The following PDE7B variants were observed in gnomAD, a reference collection of about 807,000 sequenced individuals.
PDE7B encodes phosphodiesterase 7B, also known as 3',5'-cyclic-AMP phosphodiesterase 7B.
Under a neutral mutation model 56.2 loss-of-function variants are expected in PDE7B, and 29 were observed. The observed-to-expected ratio is 0.52, with a 90% CI of 0.38 to 0.70. The LOEUF is 0.70. Ranked by LOEUF, PDE7B falls within the 30% of genes least tolerant of loss-of-function variation. The probability of loss-of-function intolerance (pLI) is 0.00; values close to 1 mark genes in which losing one functional copy is unlikely to be tolerated. For missense variants in PDE7B, 490 were observed against 565.0 expected, an observed-to-expected ratio of 0.87 and a Z score of 1.35; for synonymous variants, 197 against 196.9, an observed-to-expected ratio of 1.00 and a Z score of 0.00.
chr6:135,997,413 CAAAAAAAAAAAAAAAAAAAAAA>C lies in PDE7B; in HGVS notation c.82+49906_82+49927del, dbSNP rs59388049. ...TAGCTGACAGAATGAGACCCTGTCTCAAAAAAAAAAAAAAAAAAAAAAAAAAAAAAAAAAAAAAGCCATAGAA... is the reference window on the plus strand; with the variant it reads ...TAGCTGACAGAATGAGACCCTGTCTCAAAAAAAAAAAAAAAAGCCATAGAA... On this transcript the variant is annotated intron_variant, in intron 2 of 12. Coordinates refer to ENST00000308191, the MANE Select transcript of PDE7B (RefSeq NM_018945.4). 1.4e-3 allele frequency among the ~76,000 whole-genome samples: 15 copies of C among 10,714 alleles called. 1 individual carries two copies. The highest frequency in any genetic ancestry group is 0.015 in the South Asian group (2 of 134). 7.0% of individuals were successfully genotyped at this position (10,714 alleles called of 152,430 possible). A position where few individuals can be genotyped will look rare whatever the true frequency, so the allele number is the denominator to read the frequency against.
At position 135,962,996 on chromosome 6, in the gene PDE7B, C is replaced by T. The variant is rs142412769; in HGVS notation, c.82+15472C>T. Reference sequence around the variant, plus strand: ...TGCGGCAAATGGAAGCCTTCCAGAACCAACACACTAAGAGTCTGTTGCAGT... The same window carrying T: ...TGCGGCAAATGGAAGCCTTCCAGAATCAACACACTAAGAGTCTGTTGCAGT... On this transcript the variant is annotated intron_variant, in intron 2 of 12. Coordinates refer to ENST00000308191, the MANE Select transcript of PDE7B (RefSeq NM_018945.4). 1.0e-3 allele frequency among the ~76,000 whole-genome samples: 157 copies of T among 152,272 alleles called. 1 individual carries two copies. In the East Asian group the frequency reaches 0.027, roughly 26 times the overall value.
chr6:136,076,642 C>A (rs560832953), intron 2 of PDE7B, among the ~76,000 whole-genome samples: 11 of 152,124 alleles, frequency 7.2e-5, no homozygotes, highest in South Asian at 2.1e-4. Flanking sequence ...GATCTCTTCC[C>A]CCACCCCACA....
At chr6:136,152,024 T>C (rs1050383638) in intron 6 of PDE7B, among the ~76,000 whole-genome samples, 1 of 152,160 alleles carries the variant, frequency 6.6e-6, no homozygotes, top group Non-Finnish European at 1.5e-5. Flanking sequence ...ATCATAAAGC[T>C]CTTCATCCTT....
At chr6:136,148,980 T>TG (rs1778466699) in intron 4 of PDE7B, 107 bp from the exon 5 acceptor site, 2 of 760,242 alleles carry the variant, frequency 2.6e-6, no homozygotes, top group East Asian at 5.1e-5. Flanking sequence ...GATGGTAGTA[T>TG]GCTAGGATTT....
intron 2 of PDE7B, among the ~76,000 whole-genome samples, chr6:136,004,154 C>A (rs910423102): frequency 2.0e-5 from 3 of 150,326 alleles, no homozygotes; most frequent in Admixed American, 6.7e-5. Context: ...ATTCAACAAC[C>A]CTTCATGCTA....
chr6:135,890,821 TTA>T (rs1775798218), intron 1 of PDE7B, among the ~76,000 whole-genome samples: 1 of 152,178 alleles, frequency 6.6e-6, no homozygotes, highest in South Asian at 2.1e-4. Flanking sequence ...GACTCTGATA[TTA>T]GAGTTGTTTT....
At chr6:136,009,926 G>A (rs1055334620) in intron 2 of PDE7B, among the ~76,000 whole-genome samples, 6 of 152,132 alleles carry the variant, frequency 3.9e-5, no homozygotes, top group African/African-American at 1.4e-4. Context: ...CTTTTGAATG[G>A]TTTTTCATTC....
intron 2 of PDE7B, among the ~76,000 whole-genome samples, chr6:136,017,083 G>C (rs1775989151): frequency 6.6e-6 from 1 of 152,160 alleles, no homozygotes; most frequent in African/African-American, 2.4e-5. Context: ...TAGCATAGCA[G>C]CAAATAGCCT....
chr6:136,070,650 T>A (rs957287305), intron 2 of PDE7B, among the ~76,000 whole-genome samples: 13 of 152,162 alleles, frequency 8.5e-5, no homozygotes, highest in African/African-American at 3.1e-4. Flanking sequence ...ACATTGAAAA[T>A]TTTTTAATAC....
At chr6:136,113,579 G>C (rs1465000190) in intron 3 of PDE7B, among the ~76,000 whole-genome samples, 1 of 152,222 alleles carries the variant, frequency 6.6e-6, no homozygotes, top group African/African-American at 2.4e-5. Flanking sequence ...AGCCAGAACA[G>C]AGAGAAAAGG....
chr6:135,984,589 C>G (rs1389785831), intron 2 of PDE7B, among the ~76,000 whole-genome samples: 1 of 152,050 alleles, frequency 6.6e-6, no homozygotes, highest in African/African-American at 2.4e-5. Flanking sequence ...CAATCCAGGT[C>G]TATTCCAGGA....
rs36015213 is a variant in PDE7B, at chr6:136,031,738, C to CAA, written c.83-76975_83-76974dup. ...TGGGCGACAGAGCGAGACTCCGTCT[C>CAA]AAAAAAAAAAAAAAAAAAAGAAGGC... On this transcript the variant is annotated intron_variant, in intron 2 of 12. Coordinates refer to ENST00000308191, the MANE Select transcript of PDE7B (RefSeq NM_018945.4). Among the ~76,000 whole-genome samples, 788 of 109,836 alleles carry CAA rather than the reference C, an allele frequency of 7.2e-3. 9 individuals carry two copies. Among genetic ancestry groups the CAA allele is most frequent in the African/African-American group, 0.018 (523 of 29,392 alleles). The allele number at this position is 109,836 out of a possible 152,430, so 72.1% of individuals were successfully genotyped here.
At chr6:135,948,408 A>C (rs1395239219) in intron 2 of PDE7B, among the ~76,000 whole-genome samples, 1 of 151,994 alleles carries the variant, frequency 6.6e-6, no homozygotes, top group East Asian at 1.9e-4. Context: ...AAAATTATTC[A>C]TTTTAGCATT....
rs976436620 is a variant in PDE7B, at chr6:135,981,342, A to C, written c.82+33818A>C. ...GAGATATACCTAATGCTAGATGACG[A>C]GTTAGAGGGTGCAGCGCACCAGCAT... On this transcript the variant is annotated intron_variant, in intron 2 of 12. Transcript: ENST00000308191. Among the ~76,000 whole-genome samples the C allele has an allele frequency of 5.3e-5, 8 of 150,722 alleles. 1 individual carries two copies. The South Asian group carries it at 6.4e-4, about 12-fold the overall frequency.
intron 2 of PDE7B, among the ~76,000 whole-genome samples, chr6:135,994,347 C>T (rs1304386404): frequency 1.3e-5 from 2 of 152,012 alleles, no homozygotes; most frequent in African/African-American, 4.8e-5. Flanking sequence ...AGTTATATTA[C>T]TAGAGGTGAA....
intron 3 of PDE7B, among the ~76,000 whole-genome samples, 172 bp downstream of exon 3, chr6:136,108,986 G>A (rs1365819214): frequency 6.6e-6 from 1 of 152,158 alleles, no homozygotes. Context: ...CACAAGTGAA[G>A]TAATTCTGGC....
intron 2 of PDE7B, among the ~76,000 whole-genome samples, chr6:135,961,275 G>GTA (rs1774895955): frequency 7.3e-6 from 1 of 136,280 alleles, no homozygotes; most frequent in African/African-American, 2.9e-5. Flanking sequence ...GTGTGTGTGT[G>GTA]TGTGTATGTG....
intron 8 of PDE7B, chr6:136,162,343 G>T (rs538236475): frequency 6.6e-5 from 10 of 152,100 alleles, no homozygotes; most frequent in Non-Finnish European, 1.2e-4. Context: ...ACAGGAAGGA[G>T]AAGTGCTGAG....
intron 2 of PDE7B, among the ~76,000 whole-genome samples, chr6:135,964,652 A>C (rs1324462682): frequency 6.6e-6 from 1 of 152,126 alleles, no homozygotes; most frequent in Admixed American, 6.5e-5. Flanking sequence ...TTCTATAGCT[A>C]TATGATCTGA....
Sources: allele counts gnomAD v4.1 joint callset (sites outside exome capture counted in the v4.1 genomes callset), GRCh38; gene constraint gnomAD v4.1.1; transcripts MANE v1.5; gene names NCBI Gene and HGNC (gene_info 2026-07-23, HGNC 2026-07-21).